Variants in TP53BP2 observed in about 807,000 individuals in gnomAD.
TP53BP2 encodes the protein apoptosis-stimulating of p53 protein 2.
A neutral mutation model predicts 126.2 loss-of-function variants in TP53BP2; 62 were observed. That is an observed-to-expected ratio of 0.49 (90% CI 0.40 to 0.61). TP53BP2 has a LOEUF of 0.61. TP53BP2 is among the 20% of genes least tolerant of loss of function. TP53BP2 has a pLI of 0.00. For missense variants in TP53BP2, 1,215 were observed against 1,402.8 expected (o/e 0.87, Z 2.14); for synonymous variants, 485 against 502.9 (o/e 0.96, Z 0.48).
intron 1 of TP53BP2, among the ~76,000 whole-genome samples, chr1:223,829,333 T>C (rs1462448170): frequency 1.3e-5 from 2 of 152,172 alleles, no homozygotes; most frequent in Non-Finnish European, 2.9e-5. Context: ...TTTTTATATG[T>C]TTAGTACTCT....
intron 17 of TP53BP2, among the ~76,000 whole-genome samples, chr1:223,781,898 T>G (rs2102825824): frequency 6.6e-6 from 1 of 152,268 alleles, no homozygotes; most frequent in East Asian, 1.9e-4. Flanking sequence ...AATCTAAATT[T>G]AGGACTAAAA....
intron 4 of TP53BP2, among the ~76,000 whole-genome samples, chr1:223,808,037 CCA>C (rs1662781337): frequency 6.6e-6 from 1 of 152,102 alleles, no homozygotes; most frequent in Non-Finnish European, 1.5e-5. Context: ...TATAAAAGTT[CCA>C]GTGACCAATG....
At chr1:223,845,462 C>A (rs1270636456) in intron 1 of TP53BP2, among the ~76,000 whole-genome samples, 192 bp downstream of exon 1, 1 of 152,192 alleles carries the variant, frequency 6.6e-6, no homozygotes, top group African/African-American at 2.4e-5. Context: ...CCCACGACGG[C>A]TGTGGGCGCA....
chr1:223,845,569 C>T (rs997426807), intron 1 of TP53BP2, 85 bp downstream of exon 1: 66 of 1,400,476 alleles, frequency 4.7e-5, no homozygotes, highest in Non-Finnish European at 5.9e-5. Context: ...GCTCCTTCCC[C>T]GACGCGCCCG....
rs767474124 is a variant in TP53BP2, at chr1:223,792,538, G to A, written c.2863-16C>T. 2.0e-5 allele frequency: 33 copies of A among 1,613,226 alleles called. No individual in the cohort carries two copies. The African/African-American group carries it at 4.1e-4, about 20-fold the overall frequency. On this transcript the variant is annotated splice_polypyrimidine_tract_variant and intron_variant, in intron 14 of 17. Coordinates refer to ENST00000343537, the MANE Select transcript of TP53BP2 (RefSeq NM_001031685.3). ...GGTCATCAACCTATATCAAGAAGAAGGGTGAGCATCACTCTAGTTTCTTGT... is the reference window on the plus strand; with the variant it reads ...GGTCATCAACCTATATCAAGAAGAAAGGTGAGCATCACTCTAGTTTCTTGT...
At chr1:223,789,313 A>C (rs995532781) in intron 15 of TP53BP2, 139 bp from the exon 16 acceptor site, 3 of 914,888 alleles carry the variant, frequency 3.3e-6, no homozygotes, top group East Asian at 5.1e-5. Flanking sequence ...TTTTTTAAAA[A>C]CCAGTTCAAC....
chr1:223,798,737 C>G, intron 11 of TP53BP2, 60 bp from the exon 12 acceptor site: 1 of 1,338,418 alleles, frequency 7.5e-7, no homozygotes, highest in Non-Finnish European at 1.0e-6. Context: ...ACAGGATGTT[C>G]TAGATAACCT....
chr1:223,812,926 G>A (rs1571860048), intron 3 of TP53BP2, among the ~76,000 whole-genome samples: 3 of 151,868 alleles, frequency 2.0e-5, no homozygotes, highest in Admixed American at 2.0e-4. Context: ...TCAAACTCCT[G>A]ATCTAAGGTG....
In TP53BP2 at chr1:223,796,225, A is replaced by G; in HGVS notation, c.2314T>C (p.Ser772Pro). The G allele has an allele frequency of 1.2e-6, 2 of 1,614,160 alleles. No homozygotes were observed. The highest frequency in any genetic ancestry group is 2.7e-5 in the African/African-American group (2 of 75,036). The stretch of plus-strand genomic sequence containing the variant: ...GACTTGGATGGGTATGATGGGACAG[A>G]GATGGTCTCCATGGCCGCTATGGTG... ...RTTIAAMETISVPSYPSKSAS... is the reference protein window; with the variant it reads ...RTTIAAMETIPVPSYPSKSAS... Residue 772 changes from serine to proline, a missense_variant, in exon 13 of 18, where the codon TCT becomes CCT. Coordinates refer to ENST00000343537, the MANE Select transcript of TP53BP2 (RefSeq NM_001031685.3). This position sits in a 1 kb window ranked among gnomAD's most constrained non-coding sequence, Gnocchi z 4.2.
At chr1:223,820,916 A>G (rs1314003361) in intron 2 of TP53BP2, among the ~76,000 whole-genome samples, 2 of 152,198 alleles carry the variant, frequency 1.3e-5, no homozygotes, top group Non-Finnish European at 2.9e-5. Context: ...GGATGCCTCA[A>G]ATTTCTAATT....
At chr1:223,807,540 T>A (rs1186685686) in intron 4 of TP53BP2, among the ~76,000 whole-genome samples, 2 of 151,052 alleles carry the variant, frequency 1.3e-5, no homozygotes, top group Non-Finnish European at 2.9e-5. Context: ...AATATAATCA[T>A]CTATGAAGAA....
At chr1:223,806,687 G>C (rs975436914) in intron 5 of TP53BP2, among the ~76,000 whole-genome samples, 159 bp downstream of exon 5, 2 of 152,112 alleles carry the variant, frequency 1.3e-5, no homozygotes, top group Non-Finnish European at 1.5e-5. Flanking sequence ...AGCCAGGTGT[G>C]GTGGCGTCTG....
At chr1:223,802,387 C>T (rs369631402) in intron 8 of TP53BP2, 43 bp from the exon 9 acceptor site, 4 of 1,549,252 alleles carry the variant, frequency 2.6e-6, no homozygotes, top group Non-Finnish European at 3.5e-6. Context: ...AAAATCATCT[C>T]AGGTGATCAG....
At chr1:223,839,276 G>A (rs2102891633) in intron 1 of TP53BP2, among the ~76,000 whole-genome samples, 1 of 152,282 alleles carries the variant, frequency 6.6e-6, no homozygotes, top group African/African-American at 2.4e-5. Flanking sequence ...CTTATCTGTT[G>A]AATGAGAGTG....
Position 223,798,635 on chromosome 1 carries a change from T to C in TP53BP2, c.1528A>G (p.Thr510Ala), listed in dbSNP as rs2102848344. 1.2e-6 allele frequency: 2 copies of C among 1,613,760 alleles called. No homozygotes were observed. Among genetic ancestry groups the C allele is most frequent in the Non-Finnish European group, 8.5e-7 (1 of 1,179,820 alleles). ...NVAKVPPPVPTKPKQINLPYF... is the reference protein window; with the variant it reads ...NVAKVPPPVPAKPKQINLPYF... Reference sequence around the variant, plus strand: ...GGCAAATTAATCTGTTTTGGTTTTGTAGGAACAGGAGGTGGTACTTTAGCC... The same window carrying C: ...GGCAAATTAATCTGTTTTGGTTTTGCAGGAACAGGAGGTGGTACTTTAGCC... The change falls in exon 12 of 18, where the codon ACA becomes GCA. Residue 510 changes from threonine to alanine, a missense_variant. Thr to Ala is a moderately conservative substitution (Grantham distance 58). Around this residue, in one of 4 missense-constraint regions of TP53BP2, gnomAD observed 814 missense variants for 853.0 expected, o/e 0.95. Coordinates refer to ENST00000343537, the MANE Select transcript of TP53BP2 (RefSeq NM_001031685.3).
intron 15 of TP53BP2, among the ~76,000 whole-genome samples, chr1:223,791,919 C>T (rs1026588824): frequency 6.6e-6 from 1 of 152,102 alleles, no homozygotes; most frequent in Non-Finnish European, 1.5e-5. Context: ...ACTTGCAGTA[C>T]CGCTTGCGTT....
intron 1 of TP53BP2, among the ~76,000 whole-genome samples, chr1:223,831,198 C>A (rs1332349312): frequency 1.4e-5 from 2 of 142,916 alleles, no homozygotes; most frequent in African/African-American, 5.2e-5. Flanking sequence ...GCCTGGGCAA[C>A]ACAGTAAGAC....
At chr1:223,843,458 C>T (rs1271881327) in intron 1 of TP53BP2, among the ~76,000 whole-genome samples, 1 of 152,170 alleles carries the variant, frequency 6.6e-6, no homozygotes, top group South Asian at 2.1e-4. Context: ...CATGAGCCAC[C>T]GCTCCTGGCC....
chr1:223,845,273 A>G (rs956967117), intron 1 of TP53BP2: 81 of 984,654 alleles, frequency 8.2e-5, no homozygotes, highest in Admixed American at 1.8e-4. Context: ...AGTAAAAAGT[A>G]AAAAGACACA....
Sources: allele counts gnomAD v4.1 joint callset (sites outside exome capture counted in the v4.1 genomes callset), GRCh38; gene constraint gnomAD v4.1.1; regional missense constraint gnomAD v4.1.1; non-coding constraint Gnocchi (gnomAD v3.1); transcripts MANE v1.5; gene names NCBI Gene and HGNC (gene_info 2026-07-23, HGNC 2026-07-21).